Variants in DOCK7 observed in about 807,000 individuals in gnomAD.
The protein encoded by DOCK7 is dedicator of cytokinesis protein 7.
DOCK7 carries 138 observed loss-of-function variants against 271.0 expected under a neutral mutation model. The ratio of observed to expected loss-of-function variants is 0.51; its 90% CI spans 0.44 to 0.59. The LOEUF (loss-of-function observed/expected upper bound fraction) is 0.59, where lower values mean the gene tolerates loss of function less well. Among genes scored for constraint, DOCK7 ranks in the 20% least tolerant of loss-of-function variants. The pLI is 0.00. For missense variants in DOCK7, 2,066 were observed against 2,592.4 expected, an observed-to-expected ratio of 0.80 and a Z score of 4.41; for synonymous variants, 823 against 876.1, an observed-to-expected ratio of 0.94 and a Z score of 1.07.
intron 8 of DOCK7, among the ~76,000 whole-genome samples, chr1:62,635,912 G>A (rs1258660631): frequency 2.6e-5 from 4 of 151,862 alleles, no homozygotes; most frequent in Non-Finnish European, 2.9e-5. Context: ...ACAAGCACCC[G>A]GCCAGCACTT....
chr1:62,625,174 T>G, intron 12 of DOCK7, 85 bp downstream of exon 12: 1 of 1,322,222 alleles, frequency 7.6e-7, no homozygotes. Flanking sequence ...CTCCCATACA[T>G]GTATAGTACA....
intron 44 of DOCK7, 108 bp from the exon 45 acceptor site, chr1:62,476,264 A>G: frequency 1.5e-6 from 1 of 676,346 alleles, no homozygotes; most frequent in South Asian, 2.0e-5. Flanking sequence ...TGAGTTCTGT[A>G]CAATCATATC....
At chr1:62,493,866 T>C (rs12037060) in intron 40 of DOCK7, among the ~76,000 whole-genome samples, 2 of 152,280 alleles carry the variant, frequency 1.3e-5, no homozygotes, top group East Asian at 3.9e-4. Flanking sequence ...TGAGTCATGG[T>C]ATTAGTCATA....
chr1:62,601,989 T>C, intron 14 of DOCK7: 1 of 667,764 alleles, frequency 1.5e-6, no homozygotes. Flanking sequence ...ATATGAAATA[T>C]ATATGAGTAT....
chr1:62,507,747 C>T (rs1478788875), intron 35 of DOCK7, among the ~76,000 whole-genome samples: 1 of 152,086 alleles, frequency 6.6e-6, no homozygotes, highest in African/African-American at 2.4e-5. Flanking sequence ...AGGGGAAAGA[C>T]AAGGAGATAA....
At position 62,481,126 on chromosome 1, in the gene DOCK7, G is replaced by A. The variant is rs74779134; in HGVS notation, c.5509-3301C>T. Among the ~76,000 whole-genome samples the A allele has an allele frequency of 2.5e-3, 373 of 152,184 alleles. 9 individuals carry two copies. In the South Asian group the frequency reaches 0.064, roughly 26 times the overall value. ...GACTTATTCATGTGAATCCCTGAGC[G>A]ACGTGCATCCCAGGCAGAGGAAAGA... On this transcript the variant is annotated intron_variant, in intron 43 of 49. Coordinates refer to ENST00000635253, the MANE Select transcript of DOCK7 (RefSeq NM_001367561.1).
Position 62,688,369 on chromosome 1 carries a change from A to C in DOCK7, c.-105T>G, listed in dbSNP as rs1401756739. On this transcript the variant is annotated 5_prime_UTR_variant, in exon 1 of 50. Coordinates refer to ENST00000635253, the MANE Select transcript of DOCK7 (RefSeq NM_001367561.1). The stretch of plus-strand genomic sequence containing the variant: ...TGCTCCCTCCCTCGCGGCCTCCGCC[A>C]GTCCGGGCTCCGGACCTGGGAGGCT... The C allele has an allele frequency of 1.4e-6, 1 of 735,018 alleles. No individual in the cohort carries two copies. The allele number at this position is 735,018 out of a possible 1,614,324, so 45.5% of individuals were successfully genotyped here. A position where few individuals can be genotyped will look rare whatever the true frequency, so the allele number is the denominator to read the frequency against.
chr1:62,632,588 C>G (rs1025394073), intron 10 of DOCK7, among the ~76,000 whole-genome samples: 1 of 152,186 alleles, frequency 6.6e-6, no homozygotes, highest in Non-Finnish European at 1.5e-5. Flanking sequence ...GTTCAAAGAT[C>G]CAAAGATCAC....
chr1:62,520,592 G>A (rs1323284226), intron 31 of DOCK7, among the ~76,000 whole-genome samples: 1 of 152,132 alleles, frequency 6.6e-6, no homozygotes, highest in Non-Finnish European at 1.5e-5. Context: ...TCATTAAAAA[G>A]TCAGGAAACA....
At chr1:62,561,061 A>G (rs998999675) in intron 19 of DOCK7, among the ~76,000 whole-genome samples, 3 of 152,180 alleles carry the variant, frequency 2.0e-5, no homozygotes, top group Non-Finnish European at 4.4e-5. Context: ...GTAGGCAGTA[A>G]TAAGTGCAGG....
intron 29 of DOCK7, 99 bp from the exon 30 acceptor site, chr1:62,529,545 T>G: frequency 1.1e-6 from 1 of 906,754 alleles, no homozygotes; most frequent in Non-Finnish European, 1.5e-6. Context: ...TTGAATAAAT[T>G]TTGTTCAATT....
chr1:62,527,670 T>A (rs1016527354), intron 31 of DOCK7, among the ~76,000 whole-genome samples: 1 of 144,074 alleles, frequency 6.9e-6, no homozygotes, highest in Admixed American at 7.5e-5. Context: ...TAGGTGGGAA[T>A]TGAACAATGA....
chr1:62,575,223 A>G (rs1328786702), intron 18 of DOCK7, among the ~76,000 whole-genome samples: 6 of 152,144 alleles, frequency 3.9e-5, no homozygotes, highest in Non-Finnish European at 1.5e-5. Context: ...TGAAAAAGCA[A>G]AAATGTCAGA....
At chr1:62,600,556 C>T (rs910731000) in intron 14 of DOCK7, among the ~76,000 whole-genome samples, 1 of 151,732 alleles carries the variant, frequency 6.6e-6, no homozygotes, top group Non-Finnish European at 1.5e-5. Flanking sequence ...GCTAAACTAA[C>T]GATAAACTAC....
chr1:62,524,982 T>C (rs890332783), intron 31 of DOCK7, among the ~76,000 whole-genome samples: 8 of 144,566 alleles, frequency 5.5e-5, no homozygotes, highest in African/African-American at 2.1e-4. Flanking sequence ...ATTTTTAAAA[T>C]GCAAACTTAG....
chr1:62,615,579 C>T (rs1007096000), intron 14 of DOCK7, among the ~76,000 whole-genome samples: 31 of 151,734 alleles, frequency 2.0e-4, no homozygotes, highest in African/African-American at 7.5e-4. Context: ...AACATTAAAG[C>T]CTAAATCAGT....
chr1:62,527,620 T>C (rs537938003), intron 31 of DOCK7, among the ~76,000 whole-genome samples: 78 of 151,316 alleles, frequency 5.2e-4, no homozygotes, highest in Non-Finnish European at 1.3e-4. Context: ...CAGCAAACTA[T>C]TGCAAGGACA....
chr1:62,567,808 A>G (rs1239363545), intron 18 of DOCK7, among the ~76,000 whole-genome samples: 1 of 152,166 alleles, frequency 6.6e-6, no homozygotes, highest in East Asian at 1.9e-4. Context: ...CATCAAAGCA[A>G]TAAACACTAT....
rs545539053 is a variant in DOCK7, at chr1:62,646,846, C to T, written c.818+845G>A. Among the ~76,000 whole-genome samples the T allele has an allele frequency of 2.6e-5, 4 of 152,320 alleles. No individual in the cohort carries two copies. In the South Asian group the frequency reaches 8.3e-4, roughly 32 times the overall value. ...TGACAGCTGTGCAACTCTGTGAATACATACCACTAACTTGTATACTTTAAA... is the reference window on the plus strand; with the variant it reads ...TGACAGCTGTGCAACTCTGTGAATATATACCACTAACTTGTATACTTTAAA... On this transcript the variant is annotated intron_variant, in intron 7 of 49. Transcript: ENST00000635253.
Sources: gnomAD v4.1 joint callset for allele counts (sites outside exome capture counted in the v4.1 genomes callset) on GRCh38, gnomAD v4.1.1 for gene constraint, MANE v1.5 for transcripts, NCBI Gene and HGNC (gene_info 2026-07-23, HGNC 2026-07-21) for gene names.